The following PODNL1 variants were observed in gnomAD, a reference collection of about 807,000 sequenced individuals.
The protein encoded by PODNL1 is podocan like 1.
Under a neutral mutation model 45.1 loss-of-function variants are expected in PODNL1, and 50 were observed. The observed-to-expected ratio is 1.11, with a 90% confidence interval of 0.88 to 1.40. PODNL1 has a LOEUF of 1.40. Among genes scored for constraint, PODNL1 ranks in the 40% most tolerant of loss-of-function variants. PODNL1 has a pLI of 0.00. For synonymous variants in PODNL1, 406 were observed against 372.5 expected, an observed-to-expected ratio of 1.09 and a Z score of -1.04; for missense variants, 788 against 793.3, an observed-to-expected ratio of 0.99 and a Z score of 0.08.
intron 1 of PODNL1, among the ~76,000 whole-genome samples, chr19:13,946,721 G>T (rs1036552729): frequency 3.3e-5 from 5 of 152,058 alleles, no homozygotes; most frequent in African/African-American, 1.2e-4. Context: ...ATACATATAC[G>T]TATTAAGGGA....
chr19:13,935,899 C>G, intron 4 of PODNL1, 69 bp from the exon 5 acceptor site: 1 of 1,541,896 alleles, frequency 6.5e-7, no homozygotes, highest in Non-Finnish European at 8.8e-7. Flanking sequence ...CCCAGCAGAG[C>G]TGTCCCCTCC....
upstream of PODNL1, among the ~76,000 whole-genome samples, chr19:13,943,295 A>G (rs1015973172): frequency 4.0e-5 from 6 of 150,366 alleles, no homozygotes; most frequent in Admixed American, 2.6e-4. Context: ...AAACTCCAAA[A>G]AAAAAAAGAA....
At position 13,937,962 on chromosome 19, in the gene PODNL1, G is replaced by C; in HGVS notation, c.48C>G (p.Pro16=). The C allele has an allele frequency of 1.3e-6, 2 of 1,541,948 alleles. No individual in the cohort carries two copies. The highest frequency in any genetic ancestry group is 2.4e-5 in the South Asian group (2 of 83,882). ...LLLLLLPGPP[P]VAGLEDAAFP... ...AGGCAGCGTCTTCCAAGCCGGCGAC[G>C]GGCGGGGGCCCCGGCAACAGCAGGA... The change falls in exon 2 of 10, where the codon CCC becomes CCG. Residue 16 remains proline, a synonymous_variant. Transcript: ENST00000588872.
chr19:13,953,022 C>T (rs989288614), intron 1 of PODNL1: 9 of 1,388,944 alleles, frequency 6.5e-6, no homozygotes, highest in Non-Finnish European at 8.0e-6. Flanking sequence ...TTCCCGCCCC[C>T]TTTGCAGAGC....
intron 2 of PODNL1, among the ~76,000 whole-genome samples, chr19:13,937,389 C>A (rs1972444709): frequency 9.0e-6 from 1 of 111,482 alleles, no homozygotes. Flanking sequence ...TGCGACATCA[C>A]CCCCACAATT....
intron 5 of PODNL1, 24 bp downstream of exon 5, chr19:13,935,697 G>T: frequency 6.7e-7 from 1 of 1,489,704 alleles, no homozygotes; most frequent in Non-Finnish European, 9.0e-7. Context: ...GAGGCCTGGG[G>T]GCCTGGGCTG....
At chr19:13,949,380 C>T (rs1223952993) in intron 1 of PODNL1, 1 of 152,060 alleles carries the variant, frequency 6.6e-6, no homozygotes, top group African/African-American at 2.4e-5. Context: ...CATCACAGCT[C>T]ACTGTAATTT....
chr19:13,931,450 A>T lies in PODNL1; in HGVS notation c.*287T>A. ...AGGAGTCCGTGGACAGAGCCCCCAA[A>T]GGGTGCCTGGTCCGTGCTGAGTGCT... On this transcript the variant is annotated 3_prime_UTR_variant, in exon 10 of 10. Coordinates refer to ENST00000588872, the MANE Select transcript of PODNL1 (RefSeq NM_001370095.3). 1 of 338,630 alleles carries T rather than the reference A, an allele frequency of 3.0e-6. No homozygotes were observed. The allele number at this position is 338,630 out of a possible 1,614,324, so 21.0% of individuals were successfully genotyped here.
chr19:13,943,990 A>G (rs982821045), intron 1 of PODNL1, among the ~76,000 whole-genome samples: 3 of 151,990 alleles, frequency 2.0e-5, no homozygotes, highest in Non-Finnish European at 4.4e-5. Context: ...ATCTTGTGGG[A>G]AAAAAAATTG....
Position 13,948,367 on chromosome 19 carries a change from ATT to A in PODNL1, c.18+4750_18+4751del, listed in dbSNP as rs572142449. On this transcript the variant is annotated intron_variant, in intron 1 of 7. Transcript: ENST00000538371. ...AGGCGCCCGCCACCACGCCCGGCTA[ATT>A]TTTTTTTTTTTTTTTGTATTTTTAG... is the stretch of plus-strand genomic sequence containing the variant. 7.4e-3 allele frequency among the ~76,000 whole-genome samples: 959 copies of A among 130,456 alleles called. 7 individuals carry two copies. The highest frequency in any genetic ancestry group is 0.018 in the African/African-American group (623 of 34,652). 85.6% of individuals were successfully genotyped at this position (130,456 alleles called of 152,430 possible).
intron 6 of PODNL1, 118 bp downstream of exon 6, chr19:13,934,134 ACT>A: frequency 2.9e-6 from 4 of 1,365,346 alleles, no homozygotes; most frequent in Non-Finnish European, 4.0e-6. Context: ...AAGAAGGATA[ACT>A]CTGACCACTG....
Position 13,934,349 on chromosome 19 carries a change from C to T in PODNL1, c.556G>A (p.Gly186Ser), listed in dbSNP as rs775513450. 2.0e-5 allele frequency: 31 copies of T among 1,554,054 alleles called. No homozygotes were observed. Among genetic ancestry groups the T allele is most frequent in the Non-Finnish European group, 2.7e-5 (31 of 1,152,978 alleles). ...NAGLPPDAFR[G>S]SEAIATLSLS... ...CTGAGGGTGGCGATGGCCTCGGAGC[C>T]GCGGAAGGCGTCGGGGGGCAGGCCA... is the stretch of plus-strand genomic sequence containing the variant. Residue 186 changes from glycine (G) to serine (S), a missense_variant, in exon 6 of 10, where the codon GGC becomes AGC. Gly to Ser is a moderately conservative substitution (Grantham distance 56). Coordinates refer to ENST00000588872, the MANE Select transcript of PODNL1 (RefSeq NM_001370095.3).
chr19:13,949,451 C>G (rs568195189), intron 1 of PODNL1: 2 of 151,838 alleles, frequency 1.3e-5, no homozygotes, highest in Admixed American at 1.3e-4. Flanking sequence ...GGACTACAGA[C>G]GTGCTACCAC....
intron 1 of PODNL1, among the ~76,000 whole-genome samples, chr19:13,948,787 A>ATT (rs1568444835): frequency 2.7e-5 from 4 of 148,400 alleles, no homozygotes; most frequent in South Asian, 2.1e-4. Context: ...AAAAAAAAAA[A>ATT]AAAAAAAAAA....
chr19:13,941,220 C>T (rs1042913274), upstream of PODNL1, among the ~76,000 whole-genome samples: 1 of 149,202 alleles, frequency 6.7e-6, no homozygotes, highest in African/African-American at 2.5e-5. Flanking sequence ...ACAAAAATTT[C>T]CTGGGCACGG....
intron 1 of PODNL1, among the ~76,000 whole-genome samples, chr19:13,952,054 G>A (rs1013319628): frequency 2.0e-5 from 3 of 152,126 alleles, no homozygotes; most frequent in African/African-American, 7.2e-5. Flanking sequence ...TGGCTCTGCC[G>A]CCCAAGTATG....
chr19:13,936,445 C>T lies in PODNL1; in HGVS notation c.241G>A (p.Glu81Lys), dbSNP rs1437154800. 2 of 1,613,162 alleles carry T rather than the reference C, an allele frequency of 1.2e-6. No homozygotes were observed. The highest frequency in any genetic ancestry group is 1.3e-5 in the African/African-American group (1 of 74,806). The change falls in exon 3 of 10, where the codon GAA becomes AAA. Residue 81 changes from glutamate to lysine, a missense_variant. This residue lies in a region of PODNL1 where 762 missense variants were observed against 750.9 expected (regional missense o/e 1.01). Coordinates refer to ENST00000588872, the MANE Select transcript of PODNL1 (RefSeq NM_001370095.3). ...CGGGACAGCTCATTGTAGGGGAGTT[C>T]CTGGAGCTGGTTGTTCTGCAGGGTG... ...HLSLQNNQLQ[E>K]LPYNELSRLS...
chr19:13,938,560 G>C (rs1972534108), upstream of PODNL1: 1 of 851,846 alleles, frequency 1.2e-6, no homozygotes, highest in Non-Finnish European at 1.4e-6. Flanking sequence ...CAGGAGTAGG[G>C]GTGGGGATGG....
Position 13,953,000 on chromosome 19 carries a change from C to T in PODNL1, c.18+119G>A, listed in dbSNP as rs142378263. The T allele has an allele frequency of 2.6e-4, 309 of 1,185,896 alleles. No homozygotes were observed. The African/African-American group carries it at 4.4e-3, about 17-fold the overall frequency. 73.5% of individuals were successfully genotyped at this position (1,185,896 alleles called of 1,614,324 possible). On this transcript the variant is annotated intron_variant, in intron 1 of 7. Coordinates refer to the PODNL1 transcript ENST00000538371. ...CAAAGCTCTGCTCCCATGGTTGCTC[C>T]ATAATGGAACCTTCCCGCCCCCTTT...
Sources: allele counts gnomAD v4.1 joint callset (sites outside exome capture counted in the v4.1 genomes callset), GRCh38; gene constraint gnomAD v4.1.1; regional missense constraint gnomAD v4.1.1; transcripts MANE v1.5; gene names NCBI Gene and HGNC (gene_info 2026-07-23, HGNC 2026-07-21).